The following ADAMTS13 variants were observed in gnomAD, a reference collection of about 807,000 sequenced individuals.
ADAMTS13 encodes the protein A disintegrin and metalloproteinase with thrombospondin motifs 13.
ADAMTS13 carries 110 observed loss-of-function variants against 155.1 expected under a neutral mutation model. The ratio of observed to expected loss-of-function variants is 0.71; its 90% CI spans 0.61 to 0.83. The LOEUF (loss-of-function observed/expected upper bound fraction) is 0.83, where lower values mean the gene tolerates loss of function less well. ADAMTS13 is among the 40% of genes least tolerant of loss of function. ADAMTS13 has a pLI of 0.00. For synonymous variants in ADAMTS13, 758 were observed against 756.4 expected (o/e 1.00, Z -0.03); for missense variants, 1,707 against 1,891.7 (o/e 0.90, Z 1.81).
In ADAMTS13 at chr9:133,422,568, C is replaced by T. The variant is rs782172228; in HGVS notation, c.105+20C>T. 8.1e-6 allele frequency: 13 copies of T among 1,612,480 alleles called. No individual in the cohort carries two copies. In the Admixed American group the frequency reaches 8.3e-5, roughly 10 times the overall value. On this transcript the variant is annotated intron_variant, in intron 1 of 28. Coordinates refer to ENST00000355699, the MANE Select transcript of ADAMTS13 (RefSeq NM_139027.6). The stretch of plus-strand genomic sequence containing the variant: ...CAGCAGGTGGGCTCATTTGCAGGAG[C>T]GGGGGTATTCTGGGAGCCTCTGGGT...
chr9:133,415,046 A>G, intron 1 of ADAMTS13: 1 of 1,538,852 alleles, frequency 6.5e-7, no homozygotes, highest in South Asian at 1.3e-5. Context: ...CTGCATTTGA[A>G]TTTGGAAATT....
intron 23 of ADAMTS13, among the ~76,000 whole-genome samples, chr9:133,451,894 C>CA (rs34716768): frequency 0.34 from 27,441 of 79,566 alleles, 4,960 homozygotes; most frequent in East Asian, 0.67. Flanking sequence ...GACCCTGTCT[C>CA]AAAAAAAAAA....
rs587739217 is a variant in ADAMTS13 at position 133,435,186 on chromosome 9, T to C, written c.1308+1482T>C. ...ATGGGAATTGTATGTTTGACTTTTT[T>C]TTTTCTTTTTTTTTTTTTTGAGACA... On this transcript the variant is annotated intron_variant, in intron 11 of 28. Transcript: ENST00000355699. 5.9e-5 allele frequency among the ~76,000 whole-genome samples: 9 copies of C among 152,080 alleles called. No individual in the cohort carries two copies. In the South Asian group the frequency reaches 1.7e-3, roughly 28 times the overall value.
In ADAMTS13 at chr9:133,442,673, G is replaced by C. The variant is rs781937174; in HGVS notation, c.2164G>C (p.Val722Leu). ...GGCCAGGAAGGAGTTGGTGGAGACT[G>C]TCCAGTGCCAAGGGAGCCAGCAGCC... is the stretch of plus-strand genomic sequence containing the variant. Reference protein sequence around the residue: ...DQARKELVETVQCQGSQQPPA... With the variant: ...DQARKELVETLQCQGSQQPPA... The change falls in exon 18 of 29, where the codon GTC becomes CTC. Residue 722 changes from valine (V) to leucine (L), a missense_variant. Transcript: ENST00000355699. 1.2e-6 allele frequency: 2 copies of C among 1,613,016 alleles called. No homozygotes were observed. The highest frequency in any genetic ancestry group is 2.7e-5 in the African/African-American group (2 of 74,950).
chr9:133,432,751 G>C, intron 9 of ADAMTS13, 59 bp downstream of exon 9: 1 of 1,493,162 alleles, frequency 6.7e-7, no homozygotes, highest in Non-Finnish European at 9.1e-7. Flanking sequence ...GGTGCCTCCA[G>C]CCAGGCCGCC....
intron 24 of ADAMTS13, 94 bp downstream of exon 24, chr9:133,454,713 A>G (rs1490406798): frequency 7.0e-7 from 1 of 1,423,194 alleles, no homozygotes; most frequent in African/African-American, 1.4e-5. Context: ...GCATTGGCTC[A>G]TCGTGTCCCC....
At position 133,459,007 on chromosome 9, in the gene ADAMTS13, T is replaced by C; in HGVS notation, c.3943T>C (p.Phe1315Leu). ...RDTHSLRTTAFHGQQVLYWES... is the reference protein window; with the variant it reads ...RDTHSLRTTALHGQQVLYWES... Reference sequence around the variant, plus strand: ...CACCCACAGCTTGAGGACCACAGCGTTCCATGGGCAGCAGGTGCTCTACTG... The same window carrying C: ...CACCCACAGCTTGAGGACCACAGCGCTCCATGGGCAGCAGGTGCTCTACTG... Residue 1315 changes from phenylalanine to leucine, a missense_variant, in exon 29 of 29, where the codon TTC becomes CTC. By Grantham distance (22) the Phe-to-Leu change is conservative. Coordinates refer to ENST00000355699, the MANE Select transcript of ADAMTS13 (RefSeq NM_139027.6). The C allele has an allele frequency of 6.2e-7, 1 of 1,613,242 alleles. No individual in the cohort carries two copies. Among genetic ancestry groups the C allele is most frequent in the East Asian group, 2.2e-5 (1 of 44,882 alleles).
Position 133,428,776 on chromosome 9 carries a change from C to G in ADAMTS13, c.824+5C>G, listed in dbSNP as rs886063633. 5.3e-6 allele frequency: 7 copies of G among 1,321,592 alleles called. No homozygotes were observed. The highest frequency in any genetic ancestry group is 3.4e-5 in the East Asian group (1 of 29,830). The allele number at this position is 1,321,592 out of a possible 1,614,324, so 81.9% of individuals were successfully genotyped here. A position where few individuals can be genotyped will look rare whatever the true frequency, so the allele number is the denominator to read the frequency against. ...GCAGCTGCTGAGCCTGCTCAGGTAG[C>G]GGCCGCCCCGTGGGAGGGGCGCGCG... is the stretch of plus-strand genomic sequence containing the variant. On this transcript the variant is annotated splice_donor_5th_base_variant and intron_variant, in intron 7 of 28. Transcript: ENST00000355699.
At position 133,424,523 on chromosome 9, in the gene ADAMTS13, T is replaced by C; in HGVS notation, c.330+45T>C. 1 of 1,582,864 alleles carries C rather than the reference T, an allele frequency of 6.3e-7. No homozygotes were observed. ...CTGTGCAGGTCCCCACGGCCAGGGC[T>C]GGTGACCAATGTCTGTGGGCTGGTG... On this transcript the variant is annotated intron_variant, in intron 3 of 28. Coordinates refer to ENST00000355699, the MANE Select transcript of ADAMTS13 (RefSeq NM_139027.6). The surrounding 1 kb of genome is among the most constrained non-coding windows in gnomAD (Gnocchi z 4.3).
chr9:133,429,693 CA>C (rs1403180081), intron 7 of ADAMTS13: 17 of 688,534 alleles, frequency 2.5e-5, no homozygotes, highest in African/African-American at 5.3e-5. Flanking sequence ...TGCTCCATCC[CA>C]CTCAGACCCG....
chr9:133,458,791 C>T (rs1392623855), intron 28 of ADAMTS13, among the ~76,000 whole-genome samples, 183 bp from the exon 29 acceptor site: 1 of 152,160 alleles, frequency 6.6e-6, no homozygotes, highest in Admixed American at 6.5e-5. Flanking sequence ...ACTGTGTGTC[C>T]TTGGGGAAGT....
At chr9:133,438,472 C>G (rs935905521) in intron 14 of ADAMTS13, 106 bp downstream of exon 14, 1 of 1,513,874 alleles carries the variant, frequency 6.6e-7, no homozygotes, top group Non-Finnish European at 8.9e-7. Context: ...GGCCTGCACA[C>G]TCACTCAGCC....
chr9:133,455,542 C>T (rs1433373539), intron 25 of ADAMTS13, 107 bp downstream of exon 25: 1 of 1,610,220 alleles, frequency 6.2e-7, no homozygotes, highest in Non-Finnish European at 8.5e-7. Flanking sequence ...GCCTGCTCTT[C>T]TCCCCGGCTC....
chr9:133,418,188 AG>A (rs1457720787), upstream of ADAMTS13: 2 of 349,628 alleles, frequency 5.7e-6, no homozygotes, highest in Non-Finnish European at 1.0e-5. Context: ...GGGCAAGCCG[AG>A]GACCTCCCCA....
chr9:133,424,697 A>G lies in ADAMTS13; in HGVS notation c.330+219A>G, dbSNP rs1009744003. Among the ~76,000 whole-genome samples the G allele has an allele frequency of 5.3e-5, 8 of 151,492 alleles. No individual in the cohort carries two copies. ...CATGCACACCCTGCAGCCTCTCACT[A>G]CTCAAGTCCCTTCACCTGGGGCCAC... On this transcript the variant is annotated intron_variant, in intron 3 of 28. Coordinates refer to ENST00000355699, the MANE Select transcript of ADAMTS13 (RefSeq NM_139027.6). The surrounding 1 kb of genome is among the most constrained non-coding windows in gnomAD (Gnocchi z 4.3).
At position 133,426,241 on chromosome 9, in the gene ADAMTS13, C is replaced by T. The variant is rs34054981; in HGVS notation, c.582C>T (p.Gly194=). ...CTGATGGTAACCGGCAGGTGCGGGG[C>T]GTCACCCAGCTGGGCGGTGCCTGCT... The part of the protein sequence containing the change: ...ELPDGNRQVR[G]VTQLGGACSP... The change falls in exon 6 of 29, where the codon GGC becomes GGT. Residue 194 remains glycine (G), a synonymous_variant. Coordinates refer to ENST00000355699, the MANE Select transcript of ADAMTS13 (RefSeq NM_139027.6). 0.074 allele frequency: 119,949 copies of T among 1,613,308 alleles called. 5,200 individuals carry two copies. The highest frequency in any genetic ancestry group is 0.089 in the Non-Finnish European group (104,548 of 1,180,014).
At chr9:133,415,140 T>C in intron 1 of ADAMTS13, 1 of 711,180 alleles carries the variant, frequency 1.4e-6, no homozygotes, top group South Asian at 2.1e-5. Flanking sequence ...CCCATCCGCA[T>C]CACTGAAATT....
chr9:133,446,025 AGAC>A (rs1457083680), intron 21 of ADAMTS13, among the ~76,000 whole-genome samples: 6 of 152,222 alleles, frequency 3.9e-5, no homozygotes, highest in African/African-American at 7.2e-5. Flanking sequence ...AGGTAGGAAA[AGAC>A]AATAACGCCC....
chr9:133,449,505 C>T (rs950769777), intron 22 of ADAMTS13, among the ~76,000 whole-genome samples: 2 of 152,082 alleles, frequency 1.3e-5, no homozygotes, highest in African/African-American at 4.8e-5. Flanking sequence ...CATGCAGGGC[C>T]CTTGGGTGCC....
Sources: gnomAD v4.1 joint callset for allele counts (sites outside exome capture counted in the v4.1 genomes callset) on GRCh38, gnomAD v4.1.1 for gene constraint, Gnocchi (gnomAD v3.1) non-coding constraint, MANE v1.5 for transcripts, NCBI Gene and HGNC (gene_info 2026-07-23, HGNC 2026-07-21) for gene names.